PAK5: variants seen among roughly 807,000 people sequenced by gnomAD.
PAK5 encodes p21 (RAC1) activated kinase 5.
Under a neutral mutation model 65.9 loss-of-function variants are expected in PAK5, and 16 were observed. That is an observed-to-expected ratio of 0.24 (90% CI 0.16 to 0.37). The LOEUF (loss-of-function observed/expected upper bound fraction) is 0.37. Among genes scored for constraint, PAK5 ranks in the 10% least tolerant of loss-of-function variants. PAK5 has a pLI of 1.00. For synonymous variants in PAK5, 371 were observed against 354.9 expected, an observed-to-expected ratio of 1.05 and a Z score of -0.51; for missense variants, 785 against 903.9, an observed-to-expected ratio of 0.87 and a Z score of 1.69.
chr20:9,663,863 C>G (rs2047378427), intron 2 of PAK5, among the ~76,000 whole-genome samples: 1 of 152,096 alleles, frequency 6.6e-6, no homozygotes, highest in Admixed American at 6.5e-5. Context: ...GCTTTTGTTG[C>G]CTCCCATTTA....
intron 1 of PAK5, among the ~76,000 whole-genome samples, chr20:9,762,945 C>A (rs941044124): frequency 6.6e-6 from 1 of 152,118 alleles, no homozygotes; most frequent in East Asian, 1.9e-4. Context: ...AAAAAAGAAA[C>A]AAATCCTGCT....
intron 1 of PAK5, among the ~76,000 whole-genome samples, chr20:9,831,300 T>C (rs1159761546): frequency 6.6e-6 from 1 of 152,246 alleles, no homozygotes; most frequent in Non-Finnish European, 1.5e-5. Context: ...ATCCTTCTAG[T>C]AAATTCCTTT....
intron 1 of PAK5, among the ~76,000 whole-genome samples, chr20:9,775,309 T>C (rs1032256910): frequency 6.6e-6 from 1 of 152,200 alleles, no homozygotes; most frequent in Non-Finnish European, 1.5e-5. Context: ...CTCATAATGA[T>C]ACCAAGTTTC....
chr20:9,537,553 T>C lies in PAK5; in HGVS notation c.*1909A>G. On this transcript the variant is annotated 3_prime_UTR_variant, in exon 10 of 10. Transcript: ENST00000353224. ...AAAATTTCCATTACACTGTCGAAAATGTTTGGAATCCAAAATCCACTATTT... is the reference window on the plus strand; with the variant it reads ...AAAATTTCCATTACACTGTCGAAAACGTTTGGAATCCAAAATCCACTATTT... 4.8e-6 allele frequency: 1 copy of C among 208,918 alleles called. No individual in the cohort carries two copies. The highest frequency in any genetic ancestry group is 2.3e-5 in the African/African-American group (1 of 43,978). The allele number at this position is 208,918 out of a possible 1,614,324, so 12.9% of individuals were successfully genotyped here.
intron 1 of PAK5, among the ~76,000 whole-genome samples, chr20:9,800,894 C>A (rs141048397): frequency 7.3e-6 from 1 of 136,598 alleles, no homozygotes; most frequent in Non-Finnish European, 1.6e-5. Context: ...CCATTGAGAG[C>A]TAAGATGCCA....
At chr20:9,668,795 T>C (rs2047453918) in intron 2 of PAK5, among the ~76,000 whole-genome samples, 1 of 152,214 alleles carries the variant, frequency 6.6e-6, no homozygotes, top group African/African-American at 2.4e-5. Context: ...CTTTCAGTTT[T>C]GTTAATTTGA....
intron 1 of PAK5, among the ~76,000 whole-genome samples, chr20:9,837,754 A>G (rs150268639): frequency 8.7e-4 from 133 of 152,332 alleles, no homozygotes; most frequent in African/African-American, 3.0e-3. Flanking sequence ...AACTCCGTAG[A>G]ATGCCAGGTT....
intron 1 of PAK5, among the ~76,000 whole-genome samples, chr20:9,765,994 C>T (rs753805007): frequency 2.5e-4 from 38 of 152,062 alleles, no homozygotes; most frequent in Non-Finnish European, 4.4e-4. Flanking sequence ...GAGGCCCAGG[C>T]AGGCAGATCA....
chr20:9,709,459 G>A (rs2423429), intron 2 of PAK5, among the ~76,000 whole-genome samples: 30,739 of 152,080 alleles, frequency 0.2, 3,295 homozygotes, highest in East Asian at 0.37. Context: ...ACTGATTGAT[G>A]GTTTGCACCT....
At chr20:9,645,912 T>G (rs910638946) in intron 2 of PAK5, among the ~76,000 whole-genome samples, 1 of 152,356 alleles carries the variant, frequency 6.6e-6, no homozygotes, top group African/African-American at 2.4e-5. Flanking sequence ...TATGTATATA[T>G]TCTTCACAGC....
chr20:9,546,523 A>G (rs1296778156), intron 7 of PAK5, among the ~76,000 whole-genome samples: 1 of 152,152 alleles, frequency 6.6e-6, no homozygotes, highest in African/African-American at 2.4e-5. Flanking sequence ...TGGTAGTGAA[A>G]CCCTTGAAGG....
intron 7 of PAK5, among the ~76,000 whole-genome samples, chr20:9,551,207 A>G (rs1220533156): frequency 6.6e-6 from 1 of 152,230 alleles, no homozygotes; most frequent in African/African-American, 2.4e-5. Flanking sequence ...AATGAGTACA[A>G]TAAAGCACTG....
intron 7 of PAK5, 89 bp downstream of exon 7, chr20:9,557,519 G>A (rs541924484): frequency 4.5e-6 from 5 of 1,112,132 alleles, no homozygotes; most frequent in Non-Finnish European, 5.0e-6. Flanking sequence ...AAAAATTAGA[G>A]TTATAAAAAA....
intron 1 of PAK5, among the ~76,000 whole-genome samples, chr20:9,750,566 G>T (rs1371934508): frequency 2.6e-5 from 4 of 152,092 alleles, no homozygotes; most frequent in African/African-American, 9.7e-5. Context: ...GTTAGTCATG[G>T]TTTTTATGTA....
chr20:9,760,673 C>CTTTTTTTTTTTTTTTTT (rs5840332), intron 1 of PAK5, among the ~76,000 whole-genome samples: 1 of 122,828 alleles, frequency 8.1e-6, no homozygotes, highest in Non-Finnish European at 1.6e-5. Context: ...CTTTTCTTTT[C>CTTTTTTTTTTTTTTTTT]TTTTTTTTTT....
At chr20:9,663,672 C>T (rs2047375883) in intron 2 of PAK5, among the ~76,000 whole-genome samples, 2 of 152,120 alleles carry the variant, frequency 1.3e-5, no homozygotes. Flanking sequence ...AGGACTACAC[C>T]TTGGAGACCA....
At chr20:9,775,091 G>A (rs571974019) in intron 1 of PAK5, among the ~76,000 whole-genome samples, 3 of 152,202 alleles carry the variant, frequency 2.0e-5, no homozygotes, top group Non-Finnish European at 4.4e-5. Flanking sequence ...TCAGATCAGT[G>A]GTTACATTGG....
At chr20:9,827,800 T>C (rs76511524) in intron 1 of PAK5, among the ~76,000 whole-genome samples, 17,155 of 152,034 alleles carry the variant, frequency 0.11, 1,150 homozygotes, top group South Asian at 0.25. Flanking sequence ...AGGGGGCACA[T>C]GCAAAAAATG....
chr20:9,673,548 A>G (rs1454065295), intron 2 of PAK5, among the ~76,000 whole-genome samples: 1 of 152,228 alleles, frequency 6.6e-6, no homozygotes, highest in Non-Finnish European at 1.5e-5. Flanking sequence ...CACACTGGAT[A>G]GTACATCTCT....
Sources: allele counts gnomAD v4.1 joint callset (sites outside exome capture counted in the v4.1 genomes callset), GRCh38; gene constraint gnomAD v4.1.1; transcripts MANE v1.5; gene names NCBI Gene and HGNC (gene_info 2026-07-23, HGNC 2026-07-21).